The following ZMYM4 variants were observed in gnomAD, a reference collection of about 807,000 sequenced individuals.
ZMYM4 encodes the protein zinc finger MYM-type containing 4, also known as zinc finger MYM-type protein 4.
In ZMYM4, 31 loss-of-function variants were observed where a neutral mutation model predicts 183.2. That is an observed-to-expected ratio of 0.17 (90% confidence interval 0.13 to 0.23). ZMYM4 has a LOEUF of 0.23. Among genes scored for constraint, ZMYM4 ranks in the 10% least tolerant of loss-of-function variants. ZMYM4 has a pLI of 1.00. For synonymous variants in ZMYM4, 592 were observed against 631.2 expected, an observed-to-expected ratio of 0.94 and a Z score of 0.93; for missense variants, 1,273 against 1,840.3, an observed-to-expected ratio of 0.69 and a Z score of 5.64.
Position 35,302,378 on chromosome 1 carries a change from CTTTTTTTTT to C in ZMYM4, c.40-22965_40-22957del, listed in dbSNP as rs1179477732. Among the ~76,000 whole-genome samples, 437 of 86,170 alleles carry C rather than the reference CTTTTTTTTT, an allele frequency of 5.1e-3. 2 individuals carry two copies. Among genetic ancestry groups the C allele is most frequent in the African/African-American group, 0.02 (421 of 21,080 alleles). The allele number at this position is 86,170 out of a possible 152,430, so 56.5% of individuals were successfully genotyped here. On this transcript the variant is annotated intron_variant, in intron 1 of 29. Coordinates refer to ENST00000314607, the MANE Select transcript of ZMYM4 (RefSeq NM_005095.3). ...TGTGCCAGCGGACTGGCTAATTTGA[CTTTTTTTTT>C]TTTTTTTTTTTTTTTTGAGATGGAG... is the stretch of plus-strand genomic sequence containing the variant.
chr1:35,317,248 C>G (rs1294691648), intron 1 of ZMYM4, among the ~76,000 whole-genome samples: 1 of 152,078 alleles, frequency 6.6e-6, no homozygotes, highest in African/African-American at 2.4e-5. Flanking sequence ...GCTTGGCCAA[C>G]ATGGTGAAAC....
chr1:35,368,373 G>A (rs78958996), intron 5 of ZMYM4, among the ~76,000 whole-genome samples: 8,139 of 152,160 alleles, frequency 0.053, 836 homozygotes, highest in East Asian at 0.43. Context: ...CAAAGGTAAA[G>A]ACTGTCAGAT....
At chr1:35,401,522 T>C (rs1256416146) in intron 23 of ZMYM4, among the ~76,000 whole-genome samples, 1 of 152,238 alleles carries the variant, frequency 6.6e-6, no homozygotes, top group Non-Finnish European at 1.5e-5. Context: ...TATTCTTTAC[T>C]GTGGACATAA....
intron 1 of ZMYM4, among the ~76,000 whole-genome samples, chr1:35,307,647 G>A (rs1397314261): frequency 6.7e-6 from 1 of 150,000 alleles, no homozygotes; most frequent in Non-Finnish European, 1.5e-5. Flanking sequence ...CCATTCTCCT[G>A]CCTCAGCCTC....
rs774447873 is a variant in ZMYM4, at chr1:35,419,532, C to T, written c.4502C>T (p.Pro1501Leu). The change falls in exon 30 of 30, where the codon CCG becomes CTG. Residue 1501 changes from proline to leucine, a missense_variant. Physicochemically the swap from Pro to Leu is moderately conservative, Grantham distance 98 (BLOSUM62 -3). Coordinates refer to ENST00000314607, the MANE Select transcript of ZMYM4 (RefSeq NM_005095.3). The part of the protein sequence containing the change: ...FYLQPERSCV[P>L]NSPMWYSTFP... Reference sequence around the variant, plus strand: ...CTTCAACCTGAGCGCTCCTGTGTCCCGAATAGCCCCATGTGGTACTCCACA... The same window carrying T: ...CTTCAACCTGAGCGCTCCTGTGTCCTGAATAGCCCCATGTGGTACTCCACA... 2.5e-6 allele frequency: 4 copies of T among 1,613,850 alleles called. No homozygotes were observed. The highest frequency in any genetic ancestry group is 3.4e-6 in the Non-Finnish European group (4 of 1,179,988).
intron 3 of ZMYM4, 133 bp downstream of exon 3, chr1:35,359,579 G>A (rs1370752350): frequency 3.1e-6 from 3 of 976,892 alleles, no homozygotes; most frequent in Non-Finnish European, 4.3e-6. Context: ...TTTTTCTTTT[G>A]TCCTTGTTCT....
chr1:35,289,492 G>A (rs1640656384), intron 1 of ZMYM4, among the ~76,000 whole-genome samples: 1 of 152,168 alleles, frequency 6.6e-6, no homozygotes, highest in Non-Finnish European at 1.5e-5. Context: ...ACTGGGGAAA[G>A]AATACACAGT....
At chr1:35,385,344 T>C in intron 9 of ZMYM4, 98 bp from the exon 10 acceptor site, 1 of 1,280,782 alleles carries the variant, frequency 7.8e-7, no homozygotes, top group Non-Finnish European at 1.1e-6. Context: ...AAATCACTGA[T>C]TTCAAATATT....
rs956758537 is a variant in ZMYM4 at position 35,393,859 on chromosome 1, C to T, written c.2911+120C>T. On this transcript the variant is annotated intron_variant, in intron 18 of 29. Coordinates refer to ENST00000314607, the MANE Select transcript of ZMYM4 (RefSeq NM_005095.3). The stretch of plus-strand genomic sequence containing the variant: ...TGTTTGGTTGTTTGTATACATTGCC[C>T]AATTTAGTTCTCACAGCATCCCCGT... 15 of 1,141,470 alleles carry T rather than the reference C, an allele frequency of 1.3e-5. No homozygotes were observed. The African/African-American group carries it at 1.8e-4, about 13-fold the overall frequency. 70.7% of individuals were successfully genotyped at this position (1,141,470 alleles called of 1,614,324 possible).
intron 26 of ZMYM4, among the ~76,000 whole-genome samples, chr1:35,412,577 A>T (rs2149040788): frequency 6.6e-6 from 1 of 152,060 alleles, no homozygotes; most frequent in East Asian, 1.9e-4. Context: ...TGCATAATGG[A>T]ATTTCTTAAA....
At chr1:35,375,558 A>G (rs1383000832) in intron 7 of ZMYM4, among the ~76,000 whole-genome samples, 2 of 152,298 alleles carry the variant, frequency 1.3e-5, no homozygotes, top group Non-Finnish European at 2.9e-5. Context: ...GATGGAAAAA[A>G]TTTCCTCTCT....
At chr1:35,309,086 A>G in intron 1 of ZMYM4, 1 of 978,306 alleles carries the variant, frequency 1.0e-6, no homozygotes. Flanking sequence ...TCTATAGCAC[A>G]GTTGCCTTCC....
At position 35,308,925 on chromosome 1, in the gene ZMYM4, A is replaced by G. The variant is rs935673588; in HGVS notation, c.40-16435A>G. The G allele has an allele frequency of 4.7e-5, 46 of 978,920 alleles. No individual in the cohort carries two copies. In the African/African-American group the frequency reaches 5.6e-4, roughly 12 times the overall value. The allele number at this position is 978,920 out of a possible 1,614,324, so 60.6% of individuals were successfully genotyped here. A position where few individuals can be genotyped will look rare whatever the true frequency, so the allele number is the denominator to read the frequency against. On this transcript the variant is annotated intron_variant, in intron 1 of 29. Transcript: ENST00000314607. Reference sequence around the variant, plus strand: ...GCTTTTGGAAGATTCATGCAAAACAATAATACCAAATAATTGACATAGCAA... The same window carrying G: ...GCTTTTGGAAGATTCATGCAAAACAGTAATACCAAATAATTGACATAGCAA...
rs1319746303 is a variant in ZMYM4, at chr1:35,382,145, CAAAA to C, written c.1569+397_1569+400del. Among the ~76,000 whole-genome samples the C allele has an allele frequency of 5.8e-4, 54 of 92,716 alleles. 1 individual carries two copies. The highest frequency in any genetic ancestry group is 2.4e-3 in the Admixed American group (21 of 8,682). The allele number at this position is 92,716 out of a possible 152,430, so 60.8% of individuals were successfully genotyped here. A position where few individuals can be genotyped will look rare whatever the true frequency, so the allele number is the denominator to read the frequency against. ...GGGCAACAAGAGTGAAACTCCGTCTCAAAAAAAAAAAAACAAAAATGTATATATA... is the reference window on the plus strand; with the variant it reads ...GGGCAACAAGAGTGAAACTCCGTCTCAAAAAAAAACAAAAATGTATATATA... On this transcript the variant is annotated intron_variant, in intron 9 of 29. Coordinates refer to ENST00000314607, the MANE Select transcript of ZMYM4 (RefSeq NM_005095.3).
Position 35,389,014 on chromosome 1 carries a change from T to G in ZMYM4, c.2368T>G (p.Leu790Val). 2 of 1,614,088 alleles carry G rather than the reference T, an allele frequency of 1.2e-6. No homozygotes were observed. Among genetic ancestry groups the G allele is most frequent in the Middle Eastern group, 1.7e-4 (1 of 6,060 alleles). Residue 790 changes from leucine to valine, a missense_variant, in exon 14 of 30, where the codon TTA becomes GTA. Physicochemically the swap from Leu to Val is conservative, Grantham distance 32 (BLOSUM62 1). Transcript: ENST00000314607. This position sits in a 1 kb window ranked among gnomAD's most constrained non-coding sequence, Gnocchi z 4.0. ...QTSPKLVQNNLGGKVEEFCCE... is the reference protein window; with the variant it reads ...QTSPKLVQNNVGGKVEEFCCE... ...ATCTCCCAAATTGGTACAGAATAAT[T>G]TAGGAGGGAAAGTGGAAGAGTTCTG... is the stretch of plus-strand genomic sequence containing the variant.
In ZMYM4 at chr1:35,389,764, A is replaced by T. The variant is rs1305631207; in HGVS notation, c.2437-184A>T. On this transcript the variant is annotated intron_variant, in intron 14 of 29. Transcript: ENST00000314607. The surrounding 1 kb of genome is among the most constrained non-coding windows in gnomAD (Gnocchi z 4.0). ...AGCAAGGCTCTGTCTCAAAAAAAAA[A>T]AAAAATATATATATATATGTGTGTG... Among the ~76,000 whole-genome samples the T allele has an allele frequency of 5.8e-4, 75 of 130,070 alleles. No individual in the cohort carries two copies. Among genetic ancestry groups the T allele is most frequent in the African/African-American group, 2.6e-3 (69 of 27,042 alleles). 85.3% of individuals were successfully genotyped at this position (130,070 alleles called of 152,430 possible). A position where few individuals can be genotyped will look rare whatever the true frequency, so the allele number is the denominator to read the frequency against.
intron 27 of ZMYM4, 45 bp from the exon 28 acceptor site, chr1:35,415,421 T>C (rs1640076513): frequency 5.6e-6 from 9 of 1,609,590 alleles, no homozygotes; most frequent in Non-Finnish European, 7.6e-6. Flanking sequence ...TAGTCTACTT[T>C]AGCAGGAGCT....
chr1:35,366,298 A>G (rs545638024), intron 5 of ZMYM4, among the ~76,000 whole-genome samples: 90 of 152,296 alleles, frequency 5.9e-4, no homozygotes, highest in African/African-American at 2.1e-3. Context: ...GTAAGGAACT[A>G]CTACTTCAGA....
chr1:35,418,664 C>T (rs1640217149), intron 29 of ZMYM4, 92 bp downstream of exon 29: 4 of 1,530,380 alleles, frequency 2.6e-6, no homozygotes, highest in Admixed American at 2.0e-5. Flanking sequence ...AGTAGCTTGC[C>T]CGTGGCTTTA....
Sources: gnomAD v4.1 joint callset for allele counts (sites outside exome capture counted in the v4.1 genomes callset) on GRCh38, gnomAD v4.1.1 for gene constraint, Gnocchi (gnomAD v3.1) non-coding constraint, MANE v1.5 for transcripts, NCBI Gene and HGNC (gene_info 2026-07-23, HGNC 2026-07-21) for gene names.